The following CTDSP2 variants were observed in gnomAD, a reference collection of about 807,000 sequenced individuals.
CTDSP2 encodes the protein carboxy-terminal domain RNA polymerase II polypeptide A small phosphatase 2.
A neutral mutation model predicts 31.6 loss-of-function variants in CTDSP2; 9 were observed. The ratio of observed to expected loss-of-function variants is 0.28; its 90% confidence interval spans 0.17 to 0.50. CTDSP2 has a LOEUF of 0.50. Among genes scored for constraint, CTDSP2 ranks in the 20% least tolerant of loss-of-function variants. CTDSP2 has a pLI of 0.98. For synonymous variants in CTDSP2, 134 were observed against 134.5 expected (o/e 1.00, Z 0.03); for missense variants, 267 against 348.5 (o/e 0.77, Z 1.86).
chr12:57,836,945 A>T (rs1956251739), intron 1 of CTDSP2: 1 of 152,032 alleles, frequency 6.6e-6, no homozygotes, highest in Non-Finnish European at 1.5e-5. Context: ...CCCATCCCCC[A>T]CAGCAAAGGA....
Position 57,823,439 on chromosome 12 carries a change from C to T in CTDSP2, c.*163G>A. 2.7e-6 allele frequency: 2 copies of T among 752,190 alleles called. No individual in the cohort carries two copies. The highest frequency in any genetic ancestry group is 4.2e-6 in the Non-Finnish European group (2 of 471,242). 46.6% of individuals were successfully genotyped at this position (752,190 alleles called of 1,614,324 possible). ...CTGGGTATCATTGGTCTGGCATTCG[C>T]CCACTCGGCATCTAAGCTGTCCTAA... On this transcript the variant is annotated 3_prime_UTR_variant, in exon 8 of 8. Coordinates refer to ENST00000398073, the MANE Select transcript of CTDSP2 (RefSeq NM_005730.4).
At chr12:57,844,330 G>C (rs373904005) in intron 1 of CTDSP2, among the ~76,000 whole-genome samples, 1 of 152,198 alleles carries the variant, frequency 6.6e-6, no homozygotes, top group African/African-American at 2.4e-5. Flanking sequence ...CAGTTGCTTT[G>C]CTTTCTGCTG....
rs1223017872 is a variant in CTDSP2 at position 57,827,006 on chromosome 12, C to G, written c.344G>C (p.Ser115Thr). The change falls in exon 4 of 8, where the codon AGC (serine) becomes ACC (threonine). Residue 115 changes from serine (S) to threonine (T), a missense_variant. This residue lies in a region of CTDSP2 where 156 missense variants were observed against 241.3 expected (regional missense o/e 0.65). Coordinates refer to ENST00000398073, the MANE Select transcript of CTDSP2 (RefSeq NM_005730.4). ...VIDLDETLVH[S>T]SFKPINNADF... ...CAGACATTGAGTTACCTTAAAGGAG[C>G]TATGCACAAGGGTTTCATCGAGGTC... is the stretch of plus-strand genomic sequence containing the variant. 1.2e-6 allele frequency: 2 copies of G among 1,611,748 alleles called. No individual in the cohort carries two copies. The highest frequency in any genetic ancestry group is 1.7e-6 in the Non-Finnish European group (2 of 1,178,450).
At chr12:57,846,004 G>T (rs1304877921) in intron 1 of CTDSP2, among the ~76,000 whole-genome samples, 1 of 152,160 alleles carries the variant, frequency 6.6e-6, no homozygotes, top group Non-Finnish European at 1.5e-5. Flanking sequence ...CCGCGATCCC[G>T]GGGCAGCCGC....
At chr12:57,827,613 CA>C (rs1274255556) in intron 2 of CTDSP2, 23 bp from the exon 3 acceptor site, 1 of 1,611,436 alleles carries the variant, frequency 6.2e-7, no homozygotes, top group Non-Finnish European at 8.5e-7. Context: ...AGGAGGTGGT[CA>C]GTGCCATCTC....
intron 1 of CTDSP2, among the ~76,000 whole-genome samples, chr12:57,837,400 G>A (rs985435180): frequency 1.1e-4 from 17 of 152,318 alleles, no homozygotes; most frequent in African/African-American, 4.1e-4. Flanking sequence ...AAGTAGCTGT[G>A]TATCTAACTG....
At chr12:57,845,416 G>C (rs2140487535) in intron 1 of CTDSP2, 1 of 152,296 alleles carries the variant, frequency 6.6e-6, no homozygotes, top group South Asian at 2.1e-4. Context: ...CCCGCCCCGG[G>C]AGAGGCCTCG....
At chr12:57,843,561 AACTTC>A (rs1199442927) in intron 1 of CTDSP2, among the ~76,000 whole-genome samples, 29 of 152,144 alleles carry the variant, frequency 1.9e-4, no homozygotes, top group Non-Finnish European at 2.6e-4. Flanking sequence ...AATGGCAAGT[AACTTC>A]ACTAAATAGC....
chr12:57,828,682 A>T (rs930055003), intron 2 of CTDSP2, among the ~76,000 whole-genome samples: 1 of 152,300 alleles, frequency 6.6e-6, no homozygotes, highest in East Asian at 1.9e-4. Flanking sequence ...ATTTTATTTA[A>T]CCATTTCCCC....
At chr12:57,833,240 A>G (rs894597750) in intron 1 of CTDSP2, among the ~76,000 whole-genome samples, 1 of 152,238 alleles carries the variant, frequency 6.6e-6, no homozygotes, top group African/African-American at 2.4e-5. Flanking sequence ...CGCCCGCTGC[A>G]GGGAGCCCAA....
intron 2 of CTDSP2, among the ~76,000 whole-genome samples, chr12:57,828,041 G>A (rs1277575052): frequency 6.6e-6 from 1 of 152,170 alleles, no homozygotes; most frequent in Non-Finnish European, 1.5e-5. Flanking sequence ...AAAACATCAA[G>A]TAAGCCACAT....
intron 1 of CTDSP2, among the ~76,000 whole-genome samples, chr12:57,835,461 T>C (rs967024540): frequency 4.6e-5 from 7 of 152,120 alleles, no homozygotes; most frequent in Non-Finnish European, 1.0e-4. Flanking sequence ...CTGGCCCCCG[T>C]AGGAAATTCA....
intron 1 of CTDSP2, among the ~76,000 whole-genome samples, chr12:57,841,531 C>T (rs1260409578): frequency 6.6e-6 from 1 of 152,206 alleles, no homozygotes; most frequent in African/African-American, 2.4e-5. Context: ...TTCTCCCACC[C>T]CCAGATGCCC....
chr12:57,826,955 G>A (rs377370406), intron 4 of CTDSP2, 41 bp downstream of exon 4: 17 of 1,442,448 alleles, frequency 1.2e-5, no homozygotes, highest in Middle Eastern at 1.7e-4. Flanking sequence ...TCACAAGAAG[G>A]CCCAAGATAA....
chr12:57,821,217 C>T lies in CTDSP2; in HGVS notation c.*2385G>A, dbSNP rs1276113223. 1 of 152,378 alleles carries T rather than the reference C, an allele frequency of 6.6e-6. No individual in the cohort carries two copies. Among genetic ancestry groups the T allele is most frequent in the East Asian group, 1.9e-4 (1 of 5,182 alleles). The allele number at this position is 152,378 out of a possible 1,614,324, so 9.4% of individuals were successfully genotyped here. A position where few individuals can be genotyped will look rare whatever the true frequency, so the allele number is the denominator to read the frequency against. On this transcript the variant is annotated 3_prime_UTR_variant, in exon 8 of 8. Transcript: ENST00000398073. ...CTGGCTAGGTTTGGCCGAGTAGCTT[C>T]TCTGGGGCAAGTGGGAATGGCATTG...
rs764169846 is a variant in CTDSP2, at chr12:57,823,346, AAC to A, written c.*254_*255del. ...ACACTGGGGCCACAGTTCATGGCAAAACACACACACAAACACACACTCTCTCA... is the reference window on the plus strand; with the variant it reads ...ACACTGGGGCCACAGTTCATGGCAAAACACACACAAACACACACTCTCTCA... On this transcript the variant is annotated 3_prime_UTR_variant, in exon 8 of 8. Transcript: ENST00000398073. The A allele has an allele frequency of 4.4e-5, 23 of 518,774 alleles. No homozygotes were observed. Among genetic ancestry groups the A allele is most frequent in the East Asian group, 6.9e-5 (2 of 29,076 alleles). 32.1% of individuals were successfully genotyped at this position (518,774 alleles called of 1,614,324 possible).
At chr12:57,829,233 C>A (rs1488929635) in intron 2 of CTDSP2, among the ~76,000 whole-genome samples, 1 of 152,188 alleles carries the variant, frequency 6.6e-6, no homozygotes, top group East Asian at 1.9e-4. Flanking sequence ...CAGGGGCCCT[C>A]AGAAACCACA....
At chr12:57,837,583 C>G (rs1956255760) in intron 1 of CTDSP2, among the ~76,000 whole-genome samples, 1 of 151,986 alleles carries the variant, frequency 6.6e-6, no homozygotes, top group African/African-American at 2.4e-5. Context: ...CCCAGCTACT[C>G]CGGAGGCTGA....
At position 57,846,670 on chromosome 12, in the gene CTDSP2, C is replaced by G. The variant is rs1440923902; in HGVS notation, c.-235G>C. 6 of 436,388 alleles carry G rather than the reference C, an allele frequency of 1.4e-5. No individual in the cohort carries two copies. Among genetic ancestry groups the G allele is most frequent in the African/African-American group, 2.1e-5 (1 of 47,646 alleles). The allele number at this position is 436,388 out of a possible 1,614,324, so 27.0% of individuals were successfully genotyped here. A position where few individuals can be genotyped will look rare whatever the true frequency, so the allele number is the denominator to read the frequency against. ...GGTGCCCCCGGCCCCGATCCCCCAG[C>G]GGCAGCTCCGGGCTCCTCAGTTTGG... On this transcript the variant is annotated 5_prime_UTR_variant, in exon 1 of 8. Coordinates refer to ENST00000398073, the MANE Select transcript of CTDSP2 (RefSeq NM_005730.4).
Sources: gnomAD v4.1 joint callset for allele counts (sites outside exome capture counted in the v4.1 genomes callset) on GRCh38, gnomAD v4.1.1 for gene constraint, gnomAD v4.1.1 regional missense constraint, MANE v1.5 for transcripts, NCBI Gene and HGNC (gene_info 2026-07-23, HGNC 2026-07-21) for gene names.